SORCS2: variants seen among roughly 807,000 people sequenced by gnomAD.
SORCS2 encodes the protein sortilin related VPS10 domain containing receptor 2, also known as VPS10 domain-containing receptor SorCS2.
In SORCS2, 100 loss-of-function variants were observed where a neutral mutation model predicts 141.6. The ratio of observed to expected loss-of-function variants is 0.71; its 90% CI spans 0.60 to 0.83. The LOEUF (loss-of-function observed/expected upper bound fraction) is 0.83, where lower values mean the gene tolerates loss of function less well. Ranked by LOEUF, SORCS2 falls within the 40% of genes least tolerant of loss-of-function variation. The pLI is 0.00. For missense variants in SORCS2, 1,646 were observed against 1,560.2 expected, an observed-to-expected ratio of 1.05 and a Z score of -0.93; for synonymous variants, 789 against 676.9, an observed-to-expected ratio of 1.17 and a Z score of -2.57.
intron 1 of SORCS2, among the ~76,000 whole-genome samples, chr4:7,256,591 C>T (rs1419292085): frequency 1.3e-5 from 2 of 151,702 alleles, no homozygotes; most frequent in African/African-American, 2.4e-5. Flanking sequence ...CAGAGCTGAA[C>T]TGGAAATGGA....
intron 1 of SORCS2, among the ~76,000 whole-genome samples, chr4:7,194,661 T>C (rs2108846740): frequency 6.6e-6 from 1 of 151,892 alleles, no homozygotes; most frequent in Admixed American, 6.5e-5. Flanking sequence ...AGGTGCCACC[T>C]CCCTAGAAGA....
In SORCS2 at chr4:7,733,382, G is replaced by A. The variant is rs1468960376; in HGVS notation, c.3169G>A (p.Gly1057Arg). The A allele has an allele frequency of 1.3e-5, 21 of 1,591,126 alleles. No homozygotes were observed. The highest frequency in any genetic ancestry group is 1.7e-4 in the Middle Eastern group (1 of 5,980). ...GAAGATCAGCTTCCTCCTGCGAGGC[G>A]GAGTCCGGGTCCTGGTGGCCCTGCG... ...AQKISFLLRG[G>R]VRVLVALRDT... Residue 1057 changes from glycine to arginine, a missense_variant, in exon 24 of 27, where the codon GGA becomes AGA. Physicochemically the swap from Gly to Arg is moderately radical, Grantham distance 125. Coordinates refer to ENST00000507866, the MANE Select transcript of SORCS2 (RefSeq NM_020777.3).
chr4:7,212,626 A>T (rs1728119860), intron 1 of SORCS2, among the ~76,000 whole-genome samples: 1 of 152,164 alleles, frequency 6.6e-6, no homozygotes, highest in South Asian at 2.1e-4. Context: ...GGCTAAAGAG[A>T]GTTGCTGTTT....
chr4:7,394,408 G>A (rs1326610619), intron 1 of SORCS2, among the ~76,000 whole-genome samples: 3 of 123,590 alleles, frequency 2.4e-5, no homozygotes, highest in South Asian at 2.4e-4. Context: ...CAGGGTTGGA[G>A]GGGGGGTGTA....
chr4:7,437,135 G>T (rs1727358151), intron 2 of SORCS2, among the ~76,000 whole-genome samples: 2 of 152,140 alleles, frequency 1.3e-5, no homozygotes, highest in Admixed American at 6.5e-5. Context: ...CACGTTAAGG[G>T]CTCAGCCCCC....
intron 3 of SORCS2, among the ~76,000 whole-genome samples, chr4:7,596,435 C>A (rs1373622443): frequency 1.3e-5 from 2 of 152,170 alleles, no homozygotes; most frequent in Non-Finnish European, 2.9e-5. Flanking sequence ...AAGTGCCCTT[C>A]AGGTGCCAAG....
At chr4:7,630,983 C>T (rs991540364) in intron 3 of SORCS2, among the ~76,000 whole-genome samples, 7 of 151,020 alleles carry the variant, frequency 4.6e-5, no homozygotes, top group African/African-American at 9.8e-5. Context: ...TCTGCAGAGG[C>T]GAGTGTGATC....
chr4:7,216,256 T>G (rs1728347276), intron 1 of SORCS2, among the ~76,000 whole-genome samples: 1 of 152,094 alleles, frequency 6.6e-6, no homozygotes, highest in South Asian at 2.1e-4. Flanking sequence ...AAAGCAGCAG[T>G]GAGGGGAGGT....
chr4:7,546,906 C>T (rs918688005), intron 3 of SORCS2, among the ~76,000 whole-genome samples: 3 of 152,198 alleles, frequency 2.0e-5, no homozygotes, highest in African/African-American at 7.2e-5. Flanking sequence ...TTAGAAAGCC[C>T]GAAAGATCAT....
rs1292123605 is a variant in SORCS2 at position 7,638,424 on chromosome 4, T to C, written c.745T>C (p.Phe249Leu). The C allele has an allele frequency of 1.9e-6, 3 of 1,605,654 alleles. No individual in the cohort carries two copies. Among genetic ancestry groups the C allele is most frequent in the Non-Finnish European group, 2.5e-6 (3 of 1,176,546 alleles). ...CTTTCAGAAGCAGCCCATTCCCTTCTTCGTGGAAACTCTGATTTTCCACCC... is the reference window on the plus strand; with the variant it reads ...CTTTCAGAAGCAGCCCATTCCCTTCCTCGTGGAAACTCTGATTTTCCACCC... ...ATFQKQPIPF[F>L]VETLIFHPKE... Residue 249 changes from phenylalanine (F) to leucine (L), a missense_variant, in exon 4 of 27, where the codon TTC (phenylalanine) becomes CTC (leucine). Transcript: ENST00000507866.
At chr4:7,350,959 A>G (rs7681369) in intron 1 of SORCS2, among the ~76,000 whole-genome samples, 49,994 of 151,926 alleles carry the variant, frequency 0.33, 9,859 homozygotes, top group African/African-American at 0.55. Flanking sequence ...CAAGGGAAGG[A>G]ATGCGCTCCC....
chr4:7,486,801 C>T (rs994403017), intron 2 of SORCS2, among the ~76,000 whole-genome samples: 5 of 152,212 alleles, frequency 3.3e-5, no homozygotes, highest in Admixed American at 6.5e-5. Flanking sequence ...TGGATCATCT[C>T]GTCTGTCTCT....
chr4:7,490,407 C>T (rs1466200339), intron 2 of SORCS2, among the ~76,000 whole-genome samples: 1 of 152,056 alleles, frequency 6.6e-6, no homozygotes, highest in East Asian at 1.9e-4. Flanking sequence ...CTGAGGACTA[C>T]CCTAGATCAC....
chr4:7,457,502 G>A (rs564367046), intron 2 of SORCS2, among the ~76,000 whole-genome samples: 17 of 151,954 alleles, frequency 1.1e-4, no homozygotes, highest in South Asian at 4.2e-4. Flanking sequence ...GGTGTGAGCC[G>A]CAGCCAGAGG....
chr4:7,721,082 G>A (rs979148575), intron 18 of SORCS2, among the ~76,000 whole-genome samples: 5 of 152,348 alleles, frequency 3.3e-5, no homozygotes, highest in Non-Finnish European at 5.9e-5. Flanking sequence ...AACTCAAACC[G>A]CCCAGGTGCC....
Position 7,302,788 on chromosome 4 carries a change from T to C in SORCS2, c.481-93500T>C, listed in dbSNP as rs528194541. ...CCACATATGTGTGTGTGTGTGTGTGTGCGCGCGCGTGTGTGTGTGTTTGTA... is the reference window on the plus strand; with the variant it reads ...CCACATATGTGTGTGTGTGTGTGTGCGCGCGCGCGTGTGTGTGTGTTTGTA... On this transcript the variant is annotated intron_variant, in intron 1 of 26. Transcript: ENST00000507866. 2.5e-4 allele frequency among the ~76,000 whole-genome samples: 31 copies of C among 126,424 alleles called. No individual in the cohort carries two copies. The East Asian group carries it at 2.8e-3, about 11-fold the overall frequency. 82.9% of individuals were successfully genotyped at this position (126,424 alleles called of 152,430 possible).
chr4:7,327,819 C>T (rs368715614), intron 1 of SORCS2, among the ~76,000 whole-genome samples: 3 of 152,156 alleles, frequency 2.0e-5, no homozygotes, highest in South Asian at 4.2e-4. Context: ...CCCAACCCCG[C>T]CCCCGGCAAC....
At chr4:7,199,701 A>G (rs1198655908) in intron 1 of SORCS2, among the ~76,000 whole-genome samples, 2 of 152,068 alleles carry the variant, frequency 1.3e-5, no homozygotes, top group African/African-American at 4.8e-5. Context: ...GGAAGGCAGA[A>G]TACAAACTCT....
intron 2 of SORCS2, among the ~76,000 whole-genome samples, chr4:7,438,544 C>T (rs1313469816): frequency 6.6e-6 from 1 of 152,078 alleles, no homozygotes; most frequent in Non-Finnish European, 1.5e-5. Flanking sequence ...CTAGCTCTGT[C>T]TTCCTTCTCT....
Sources: gnomAD v4.1 joint callset for allele counts (sites outside exome capture counted in the v4.1 genomes callset) on GRCh38, gnomAD v4.1.1 for gene constraint, MANE v1.5 for transcripts, NCBI Gene and HGNC (gene_info 2026-07-23, HGNC 2026-07-21) for gene names.